The following LTBP1 variants were observed in gnomAD, a reference collection of about 807,000 sequenced individuals.
The protein encoded by LTBP1 is latent transforming growth factor beta binding protein 1.
LTBP1 carries 129 observed loss-of-function variants against 207.6 expected under a neutral mutation model. The observed-to-expected ratio is 0.62, with a 90% CI of 0.54 to 0.72. LTBP1 has a LOEUF of 0.72. Among genes scored for constraint, LTBP1 ranks in the 30% least tolerant of loss-of-function variants. The pLI is 0.00. For missense variants in LTBP1, 2,281 were observed against 2,217.2 expected (o/e 1.03, Z -0.58); for synonymous variants, 963 against 833.7 (o/e 1.16, Z -2.67).
intron 2 of LTBP1, among the ~76,000 whole-genome samples, chr2:33,006,836 G>C (rs1186633421): frequency 6.6e-6 from 1 of 152,010 alleles, no homozygotes; most frequent in Non-Finnish European, 1.5e-5. Context: ...CATTTTCACA[G>C]TAAGAGAGCT....
At chr2:32,992,880 G>T (rs1273283762) in intron 2 of LTBP1, among the ~76,000 whole-genome samples, 2 of 152,122 alleles carry the variant, frequency 1.3e-5, no homozygotes, top group Non-Finnish European at 2.9e-5. Context: ...GTGGGAGTAG[G>T]GAGTGGGAAA....
chr2:33,196,333 C>T (rs1051933709), intron 7 of LTBP1, among the ~76,000 whole-genome samples: 1 of 152,106 alleles, frequency 6.6e-6, no homozygotes, highest in African/African-American at 2.4e-5. Flanking sequence ...TTAAAATTTC[C>T]TAGACTTATA....
At chr2:33,339,879 A>C (rs974642721) in intron 24 of LTBP1, among the ~76,000 whole-genome samples, 2 of 151,968 alleles carry the variant, frequency 1.3e-5, no homozygotes, top group Non-Finnish European at 2.9e-5. Flanking sequence ...TCCCGACCTC[A>C]GGTGATCTGC....
At chr2:33,320,258 A>C (rs183168663) in intron 24 of LTBP1, among the ~76,000 whole-genome samples, 32 of 152,126 alleles carry the variant, frequency 2.1e-4, no homozygotes, top group African/African-American at 7.7e-4. Flanking sequence ...AATTCCAGCT[A>C]CTCAGGAAGC....
At chr2:33,192,141 A>G (rs2087963982) in intron 7 of LTBP1, among the ~76,000 whole-genome samples, 1 of 152,234 alleles carries the variant, frequency 6.6e-6, no homozygotes. Context: ...AGAAGAGATC[A>G]GAGAAGTGAA....
chr2:33,369,025 A>C (rs760011248), intron 31 of LTBP1, among the ~76,000 whole-genome samples: 1 of 152,216 alleles, frequency 6.6e-6, no homozygotes, highest in African/African-American at 2.4e-5. Flanking sequence ...TTTATTTTAA[A>C]TATTTATTCT....
At chr2:33,398,334 T>G (rs942372800) in intron 33 of LTBP1, 30 bp from the exon 34 acceptor site, 2 of 1,602,006 alleles carry the variant, frequency 1.2e-6, no homozygotes, top group East Asian at 2.2e-5. Flanking sequence ...TATCCAAGAT[T>G]GTTTACCTGC....
At chr2:33,171,035 A>G (rs1478523649) in intron 5 of LTBP1, among the ~76,000 whole-genome samples, 3 of 148,724 alleles carry the variant, frequency 2.0e-5, no homozygotes, top group African/African-American at 7.5e-5. Context: ...AAAGACCAAA[A>G]GTAGATAAAA....
chr2:33,280,061 A>G lies in LTBP1; in HGVS notation c.3015A>G (p.Pro1005=), dbSNP rs747414378. 1.9e-6 allele frequency: 3 copies of G among 1,614,066 alleles called. No individual in the cohort carries two copies. In the South Asian group the frequency reaches 3.3e-5, roughly 18 times the overall value. ...CAGATATTGATGAATGTTTGAATCC[A>G]AGCACTTGTCCAGATGAGCAGTGTG... The part of the protein sequence containing the change: ...RCEDIDECLN[P]STCPDEQCVN... The change falls in exon 19 of 34, where the codon CCA becomes CCG. Residue 1005 remains proline, a synonymous_variant. Coordinates refer to ENST00000404816, the MANE Select transcript of LTBP1 (RefSeq NM_206943.4).
At chr2:33,235,857 A>T (rs2092019729) in intron 9 of LTBP1, among the ~76,000 whole-genome samples, 1 of 152,142 alleles carries the variant, frequency 6.6e-6, no homozygotes. Flanking sequence ...GAACAGTGAG[A>T]TTACATGGAC....
intron 5 of LTBP1, among the ~76,000 whole-genome samples, chr2:33,140,851 T>C (rs2082593714): frequency 6.6e-6 from 1 of 152,108 alleles, no homozygotes; most frequent in African/African-American, 2.4e-5. Context: ...GTATTTTCAG[T>C]AGAGACGGGG....
At chr2:33,165,971 T>G (rs1300302560) in intron 5 of LTBP1, among the ~76,000 whole-genome samples, 1 of 152,148 alleles carries the variant, frequency 6.6e-6, no homozygotes, top group Non-Finnish European at 1.5e-5. Context: ...TCTTTCCCCA[T>G]TAGCTTTTCA....
intron 3 of LTBP1, among the ~76,000 whole-genome samples, chr2:33,108,011 G>C (rs2080164244): frequency 6.6e-6 from 1 of 152,156 alleles, no homozygotes. Flanking sequence ...GAAGTAAAGA[G>C]GATATGTATT....
At chr2:33,137,461 A>G (rs1443575359) in intron 5 of LTBP1, among the ~76,000 whole-genome samples, 1 of 152,220 alleles carries the variant, frequency 6.6e-6, no homozygotes, top group Admixed American at 6.5e-5. Flanking sequence ...TGGGCCATAC[A>G]GTTTCTGTTA....
intron 4 of LTBP1, among the ~76,000 whole-genome samples, chr2:33,115,127 TAC>T (rs59790199): frequency 0.39 from 59,284 of 150,742 alleles, 11,781 homozygotes; most frequent in South Asian, 0.49. Flanking sequence ...CACATATATA[TAC>T]ACACACACAC....
chr2:33,292,938 G>T (rs2093803233), intron 19 of LTBP1, among the ~76,000 whole-genome samples: 2 of 152,072 alleles, frequency 1.3e-5, no homozygotes, highest in African/African-American at 4.8e-5. Flanking sequence ...GAGCATATTT[G>T]GTTCCGAGTT....
chr2:33,229,465 C>A (rs1039289075), intron 9 of LTBP1, among the ~76,000 whole-genome samples: 16 of 152,092 alleles, frequency 1.1e-4, no homozygotes, highest in Non-Finnish European at 2.1e-4. Flanking sequence ...CAAAGTGAGA[C>A]CCTGTCTCTA....
chr2:33,187,652 C>G (rs1424346601), intron 6 of LTBP1, among the ~76,000 whole-genome samples: 1 of 152,212 alleles, frequency 6.6e-6, no homozygotes, highest in Admixed American at 6.5e-5. Flanking sequence ...TAGAAGTTTA[C>G]TGGCTCTAAT....
chr2:33,354,955 T>A (rs1349905473), intron 26 of LTBP1, among the ~76,000 whole-genome samples: 2 of 152,152 alleles, frequency 1.3e-5, no homozygotes, highest in East Asian at 3.9e-4. Context: ...TTGCCGAGGC[T>A]GGTCTCGTTT....
Sources: allele counts gnomAD v4.1 joint callset (sites outside exome capture counted in the v4.1 genomes callset), GRCh38; gene constraint gnomAD v4.1.1; transcripts MANE v1.5; gene names NCBI Gene and HGNC (gene_info 2026-07-23, HGNC 2026-07-21).